Variants in SPSB4 observed in about 807,000 individuals in gnomAD.
SPSB4 encodes splA/ryanodine receptor domain and SOCS box containing 4, also known as SPRY domain-containing SOCS box protein 4.
A neutral mutation model predicts 20.9 loss-of-function variants in SPSB4; 21 were observed. The ratio of observed to expected loss-of-function variants is 1.01; its 90% CI spans 0.71 to 1.45. The LOEUF (loss-of-function observed/expected upper bound fraction) is 1.45, where lower values mean the gene tolerates loss of function less well. Among genes scored for constraint, SPSB4 ranks in the 40% most tolerant of loss-of-function variants. The pLI is 0.00. For synonymous variants in SPSB4, 207 were observed against 183.8 expected, an observed-to-expected ratio of 1.13 and a Z score of -1.02; for missense variants, 399 against 399.2, an observed-to-expected ratio of 1.00 and a Z score of 0.00.
At chr3:141,121,338 C>T (rs1938963655) in intron 2 of SPSB4, among the ~76,000 whole-genome samples, 1 of 152,138 alleles carries the variant, frequency 6.6e-6, no homozygotes, top group African/African-American at 2.4e-5. Flanking sequence ...TCTGGCTGCC[C>T]TTAACATTTT....
chr3:141,091,400 A>T (rs544037156), intron 2 of SPSB4, among the ~76,000 whole-genome samples: 1 of 152,250 alleles, frequency 6.6e-6, no homozygotes, highest in Non-Finnish European at 1.5e-5. Context: ...TACCAAAAAC[A>T]TGAGTTTCTA....
chr3:141,137,894 G>A (rs1212628446), intron 2 of SPSB4, among the ~76,000 whole-genome samples: 1 of 152,146 alleles, frequency 6.6e-6, no homozygotes, highest in African/African-American at 2.4e-5. Context: ...GATTGGAATA[G>A]TTTCAGAAGG....
intron 2 of SPSB4, among the ~76,000 whole-genome samples, chr3:141,138,228 C>A (rs1295992619): frequency 2.0e-5 from 3 of 151,998 alleles, no homozygotes; most frequent in African/African-American, 7.3e-5. Context: ...TCTCTCTTTT[C>A]TTCTTCATTA....
intron 2 of SPSB4, among the ~76,000 whole-genome samples, chr3:141,123,498 A>G (rs1939003167): frequency 1.3e-5 from 2 of 152,188 alleles, no homozygotes; most frequent in South Asian, 2.1e-4. Flanking sequence ...GTACCACTCA[A>G]TGTCATTGCT....
chr3:141,093,593 C>G lies in SPSB4; in HGVS notation c.694+26795C>G, dbSNP rs1306090145. Among the ~76,000 whole-genome samples the G allele has an allele frequency of 2.6e-5, 4 of 152,126 alleles. No individual in the cohort carries two copies. The East Asian group carries it at 7.7e-4, about 29-fold the overall frequency. ...GAGACCCATGGTGGATTAGTCACAG[C>G]CAGTGAAGCTTCCGGTTCTCCAGAG... is the stretch of plus-strand genomic sequence containing the variant. On this transcript the variant is annotated intron_variant, in intron 2 of 2. Transcript: ENST00000310546.
intron 2 of SPSB4, chr3:141,132,048 T>TG (rs769157436): frequency 2.5e-5 from 5 of 197,828 alleles, no homozygotes; most frequent in Non-Finnish European, 5.3e-5. Context: ...AGGTGGTTTT[T>TG]GATTTCATGG....
intron 2 of SPSB4, among the ~76,000 whole-genome samples, chr3:141,097,023 A>G (rs1005389516): frequency 1.3e-5 from 2 of 152,170 alleles, no homozygotes; most frequent in Admixed American, 6.5e-5. Flanking sequence ...GTCTTTGTGC[A>G]TGGCTTCTAA....
chr3:141,132,964 T>C (rs1159035647), intron 2 of SPSB4, among the ~76,000 whole-genome samples: 1 of 152,214 alleles, frequency 6.6e-6, no homozygotes, highest in Non-Finnish European at 1.5e-5. Context: ...AAACATCTGC[T>C]ATTTTTTGAC....
intron 2 of SPSB4, among the ~76,000 whole-genome samples, chr3:141,081,246 A>T (rs1397442375): frequency 3.9e-5 from 6 of 152,242 alleles, no homozygotes; most frequent in Admixed American, 2.6e-4. Context: ...TGCTAGCCGC[A>T]TCCAAATGCT....
chr3:141,058,274 C>T (rs1027625400), intron 1 of SPSB4, among the ~76,000 whole-genome samples: 1 of 152,180 alleles, frequency 6.6e-6, no homozygotes, highest in African/African-American at 2.4e-5. Flanking sequence ...CTTCATGTCT[C>T]CTCATTTCCC....
At chr3:141,134,603 A>C (rs1193605136) in intron 2 of SPSB4, among the ~76,000 whole-genome samples, 2 of 152,116 alleles carry the variant, frequency 1.3e-5, no homozygotes, top group African/African-American at 4.8e-5. Context: ...AATTATGTTT[A>C]TGTGATGTAT....
rs139370388 is a variant in SPSB4 at position 141,113,517 on chromosome 3, T to C, written c.695-33625T>C. Among the ~76,000 whole-genome samples, 496 of 152,336 alleles carry C rather than the reference T, an allele frequency of 3.3e-3. 1 individual carries two copies. The highest frequency in any genetic ancestry group is 0.012 in the African/African-American group (481 of 41,582). ...TCAATGAACTTTGAAAACATTGTGCTAAGTGAAAGAAACCTGATACAAAAG... is the reference window on the plus strand; with the variant it reads ...TCAATGAACTTTGAAAACATTGTGCCAAGTGAAAGAAACCTGATACAAAAG... On this transcript the variant is annotated intron_variant, in intron 2 of 2. Coordinates refer to ENST00000310546, the MANE Select transcript of SPSB4 (RefSeq NM_080862.3).
intron 2 of SPSB4, among the ~76,000 whole-genome samples, chr3:141,071,675 G>A (rs1442531786): frequency 6.6e-6 from 1 of 152,140 alleles, no homozygotes. Flanking sequence ...GCCCACCACT[G>A]AGCATGGCCT....
At chr3:141,065,836 AT>A (rs1937853961) in intron 1 of SPSB4, 115 bp from the exon 2 acceptor site, 4 of 448,724 alleles carry the variant, frequency 8.9e-6, no homozygotes, top group Admixed American at 4.1e-5. Flanking sequence ...GAGTGTACGA[AT>A]TATTACTATT....
intron 2 of SPSB4, among the ~76,000 whole-genome samples, chr3:141,130,758 C>G (rs113840950): frequency 7.0e-4 from 106 of 152,200 alleles, no homozygotes; most frequent in Non-Finnish European, 1.1e-3. Context: ...AACAGGCCAT[C>G]ATAACTGGAT....
chr3:141,122,878 C>A (rs1363334480), intron 2 of SPSB4, among the ~76,000 whole-genome samples: 1 of 152,208 alleles, frequency 6.6e-6, no homozygotes, highest in Non-Finnish European at 1.5e-5. Flanking sequence ...AAAGGGAAAT[C>A]CTCCAACCCT....
intron 2 of SPSB4, among the ~76,000 whole-genome samples, chr3:141,077,925 C>T (rs963793607): frequency 6.6e-6 from 1 of 152,264 alleles, no homozygotes; most frequent in Non-Finnish European, 1.5e-5. Flanking sequence ...GGCACCCCAT[C>T]ACTGCATCAA....
chr3:141,102,882 AG>A (rs1938633192), intron 2 of SPSB4, among the ~76,000 whole-genome samples: 1 of 152,200 alleles, frequency 6.6e-6, no homozygotes, highest in African/African-American at 2.4e-5. Context: ...GCCCTAGGGC[AG>A]CCAAGCCTGC....
intron 2 of SPSB4, among the ~76,000 whole-genome samples, chr3:141,071,059 C>T (rs1027876372): frequency 5.3e-5 from 8 of 152,236 alleles, no homozygotes; most frequent in Admixed American, 4.6e-4. Flanking sequence ...CAGCATGGAA[C>T]TCTGCAGGGT....
Sources: gnomAD v4.1 joint callset for allele counts (sites outside exome capture counted in the v4.1 genomes callset) on GRCh38, gnomAD v4.1.1 for gene constraint, MANE v1.5 for transcripts, NCBI Gene and HGNC (gene_info 2026-07-23, HGNC 2026-07-21) for gene names.